FCGRT: variants seen among roughly 807,000 people sequenced by gnomAD.
The protein encoded by FCGRT is IgG receptor FcRn large subunit p51.
In FCGRT, 13 loss-of-function variants were observed where a neutral mutation model predicts 35.7. That is an observed-to-expected ratio of 0.36 (90% CI 0.24 to 0.58). FCGRT has a LOEUF of 0.58. FCGRT is among the 20% of genes least tolerant of loss of function. FCGRT has a pLI of 0.77. For missense variants in FCGRT, 455 were observed against 474.9 expected (o/e 0.96, Z 0.39); for synonymous variants, 233 against 216.5 (o/e 1.08, Z -0.67).
At chr19:49,522,369 C>T (rs1225645173) in intron 4 of FCGRT, among the ~76,000 whole-genome samples, 1 of 152,010 alleles carries the variant, frequency 6.6e-6, no homozygotes, top group Non-Finnish European at 1.5e-5. Context: ...AGCCACTGCA[C>T]CCAGCCTGTC....
At chr19:49,525,290 C>A in intron 5 of FCGRT, 167 bp from the exon 6 acceptor site, 1 of 660,418 alleles carries the variant, frequency 1.5e-6, no homozygotes, top group Non-Finnish European at 2.8e-6. Context: ...TTACGTCCAA[C>A]CTGGGGGCAG....
intron 1 of FCGRT, 126 bp downstream of exon 1, chr19:49,512,876 G>C (rs2079979466): frequency 6.7e-6 from 1 of 149,938 alleles, no homozygotes; most frequent in Admixed American, 6.8e-5. Flanking sequence ...CTGGATTCCT[G>C]GGTCTGAGAG....
chr19:49,515,572 C>T (rs894461522), intron 4 of FCGRT, among the ~76,000 whole-genome samples: 3 of 152,096 alleles, frequency 2.0e-5, no homozygotes, highest in African/African-American at 4.8e-5. Context: ...TGAGCTACCG[C>T]GTCTGGCCAT....
chr19:49,521,558 T>TC (rs1179096019), intron 4 of FCGRT: 1 of 116,100 alleles, frequency 8.6e-6, no homozygotes, highest in African/African-American at 3.9e-5. Flanking sequence ...CGACAGAGAC[T>TC]CCGTCTCAAA....
At chr19:49,516,226 C>A (rs754750148) in intron 4 of FCGRT, 1 of 432,516 alleles carries the variant, frequency 2.3e-6, no homozygotes, top group South Asian at 1.7e-5. Flanking sequence ...TGTCTTCTTT[C>A]TTTCCTAAGT....
At chr19:49,524,007 CTCTA>C (rs1158326064) in intron 4 of FCGRT, among the ~76,000 whole-genome samples, 2 of 150,938 alleles carry the variant, frequency 1.3e-5, no homozygotes, top group Non-Finnish European at 2.9e-5. Flanking sequence ...CATAATTATC[CTCTA>C]TCTTTTTTTT....
intron 5 of FCGRT, chr19:49,525,069 TGCTGCG>T (rs2122699879): frequency 1.9e-6 from 1 of 535,600 alleles, no homozygotes; most frequent in Non-Finnish European, 3.4e-6. Flanking sequence ...CTGCTGCTGC[TGCTGCG>T]GGTCTTCCTG....
In FCGRT at chr19:49,513,424, C is replaced by T; in HGVS notation, c.24C>T (p.Pro8=). The T allele has an allele frequency of 1.6e-6, 2 of 1,245,678 alleles. No homozygotes were observed. 77.2% of individuals were successfully genotyped at this position (1,245,678 alleles called of 1,614,324 possible). A position where few individuals can be genotyped will look rare whatever the true frequency, so the allele number is the denominator to read the frequency against. MGVPRPQ[P]WALGLLLFLL... is the part of the protein sequence containing the mutation. ...GCATGGGGGTCCCGCGGCCTCAGCC[C>T]TGGGCGCTGGGGCTCCTGCTCTTTC... The change falls in exon 2 of 7, where the codon CCC becomes CCT. Residue 8 remains proline, a synonymous_variant. Transcript: ENST00000221466.
Position 49,526,117 on chromosome 19 carries a change from T to C in FCGRT, c.1096T>C (p.Ter366ArgextTer19). The C allele has an allele frequency of 6.2e-7, 1 of 1,603,116 alleles. No homozygotes were observed. The highest frequency in any genetic ancestry group is 8.5e-7 in the Non-Finnish European group (1 of 1,170,186). ...KDVNVIPATA[*>R] Reference sequence around the variant, plus strand: ...TGTAAATGTGATTCCAGCCACCGCCTGACCATCCGCCATTCCGACTGCTAA... The same window carrying C: ...TGTAAATGTGATTCCAGCCACCGCCCGACCATCCGCCATTCCGACTGCTAA... Residue 366 changes from the stop codon to arginine (R), a stop_lost, in exon 7 of 7, where the codon TGA (stop) becomes CGA (arginine). Coordinates refer to ENST00000221466, the MANE Select transcript of FCGRT (RefSeq NM_001136019.3).
rs115925371 is a variant in FCGRT, at chr19:49,518,102, C to T, written c.601+3616C>T. On this transcript the variant is annotated intron_variant, in intron 4 of 6. Coordinates refer to ENST00000221466, the MANE Select transcript of FCGRT (RefSeq NM_001136019.3). ...CAGCCTCCCAAAGTGCGGGAGTCAC[C>T]GTGCCCAGCCAGACTGTTTTGTTGA... Among the ~76,000 whole-genome samples the T allele has an allele frequency of 9.2e-5, 14 of 151,986 alleles. No homozygotes were observed. In the East Asian group the frequency reaches 9.6e-4, roughly 10 times the overall value.
intron 2 of FCGRT, 141 bp downstream of exon 2, chr19:49,513,614 G>A (rs2079986951): frequency 4.2e-6 from 2 of 475,404 alleles, no homozygotes; most frequent in African/African-American, 2.0e-5. Context: ...CTTTCTCAAC[G>A]TCTCCTGCTG....
At chr19:49,521,396 C>T (rs2080040027) in intron 4 of FCGRT, among the ~76,000 whole-genome samples, 1 of 151,920 alleles carries the variant, frequency 6.6e-6, no homozygotes, top group South Asian at 2.1e-4. Context: ...ATGGTGAAAC[C>T]CTGTTTCTAC....
At chr19:49,521,111 T>G (rs1361151239) in intron 4 of FCGRT, 2 of 152,314 alleles carry the variant, frequency 1.3e-5, no homozygotes, top group African/African-American at 4.8e-5. Flanking sequence ...TGGAGTGGAG[T>G]GCAGTGGCAC....
chr19:49,523,131 A>G (rs2080052327), intron 4 of FCGRT, among the ~76,000 whole-genome samples: 2 of 152,086 alleles, frequency 1.3e-5, no homozygotes, highest in South Asian at 4.1e-4. Context: ...ACCTCATAAA[A>G]TATGCTGGGA....
At chr19:49,513,570 C>T (rs1367499447) in intron 2 of FCGRT, 97 bp downstream of exon 2, 2 of 671,078 alleles carry the variant, frequency 3.0e-6, no homozygotes, top group Non-Finnish European at 4.2e-6. Flanking sequence ...GAGTTCCCCG[C>T]GAGCCCCTGG....
chr19:49,521,969 C>T (rs987873522), intron 4 of FCGRT, among the ~76,000 whole-genome samples: 1 of 151,992 alleles, frequency 6.6e-6, no homozygotes, highest in Admixed American at 6.6e-5. Context: ...TGCACCCAAC[C>T]TTTTTTCATT....
Position 49,525,219 on chromosome 19 carries a change from C to T in FCGRT, c.872-238C>T, listed in dbSNP as rs140370012. 778 of 533,204 alleles carry T rather than the reference C, an allele frequency of 1.5e-3. 11 individuals carry two copies. In the East Asian group the frequency reaches 0.019, roughly 13 times the overall value. The allele number at this position is 533,204 out of a possible 1,614,324, so 33.0% of individuals were successfully genotyped here. ...TCTCCCCACTGCACTGGCACAGCCC[C>T]GCCTTGCCGCTGCTGATCCATTGCC... On this transcript the variant is annotated intron_variant, in intron 5 of 6. Transcript: ENST00000221466.
Position 49,514,454 on chromosome 19 carries a change from T to G in FCGRT, c.569T>G (p.Leu190Arg). The change falls in exon 4 of 7, where the codon CTG becomes CGG. Residue 190 changes from leucine (L) to arginine (R), a missense_variant. Coordinates refer to ENST00000221466, the MANE Select transcript of FCGRT (RefSeq NM_001136019.3). ...FSCPHRLREH[L>R]ERGRGNLEWK... is the part of the protein sequence containing the mutation. ...TGCCCGCACCGCCTGCGGGAGCACC[T>G]GGAGAGGGGCCGCGGAAACCTGGAG... 1 of 1,565,918 alleles carries G rather than the reference T, an allele frequency of 6.4e-7. No individual in the cohort carries two copies. The highest frequency in any genetic ancestry group is 8.7e-7 in the Non-Finnish European group (1 of 1,151,924).
chr19:49,522,167 A>C (rs2122690600), intron 4 of FCGRT, among the ~76,000 whole-genome samples: 1 of 149,534 alleles, frequency 6.7e-6, no homozygotes, highest in Admixed American at 6.7e-5. Flanking sequence ...CTCCAGCCTC[A>C]AACTCCTGGG....
Sources: gnomAD v4.1 joint callset for allele counts (sites outside exome capture counted in the v4.1 genomes callset) on GRCh38, gnomAD v4.1.1 for gene constraint, MANE v1.5 for transcripts, NCBI Gene and HGNC (gene_info 2026-07-23, HGNC 2026-07-21) for gene names.